PLCL2: variants seen among roughly 807,000 people sequenced by gnomAD.
PLCL2 encodes the protein inactive phospholipase C-like protein 2.
A neutral mutation model predicts 79.6 loss-of-function variants in PLCL2; 4 were observed. That is an observed-to-expected ratio of 0.05 (90% confidence interval 0.02 to 0.11). PLCL2 has a LOEUF of 0.11. Among genes scored for constraint, PLCL2 ranks in the 10% least tolerant of loss-of-function variants. The pLI is 1.00. For missense variants in PLCL2, 895 were observed against 1,291.0 expected (o/e 0.69, Z 4.70); for synonymous variants, 484 against 457.7 (o/e 1.06, Z -0.73).
rs1243341883 is a variant in PLCL2, at chr3:17,009,285, CA to C, written c.328-381del. Reference sequence around the variant, plus strand: ...ACAGGCATGAGCCACCATGCCCGGCCAAAAAAAATTTTTTTTTGTAGAGATG... The same window carrying C: ...ACAGGCATGAGCCACCATGCCCGGCCAAAAAAATTTTTTTTTGTAGAGATG... On this transcript the variant is annotated intron_variant, in intron 1 of 5. Transcript: ENST00000615277. The surrounding 1 kb of genome is among the most constrained non-coding windows in gnomAD (Gnocchi z 4.0). Among the ~76,000 whole-genome samples, 3 of 151,738 alleles carry C rather than the reference CA, an allele frequency of 2.0e-5. No individual in the cohort carries two copies. The East Asian group carries it at 5.8e-4, about 29-fold the overall frequency.
intron 1 of PLCL2, among the ~76,000 whole-genome samples, chr3:16,908,080 G>A (rs977767729): frequency 3.3e-5 from 5 of 151,866 alleles, no homozygotes; most frequent in Non-Finnish European, 5.9e-5. Context: ...CCTCCCTTTC[G>A]TGGGTTTTCT....
chr3:17,073,573 C>T (rs2065081475), intron 5 of PLCL2, among the ~76,000 whole-genome samples: 1 of 152,176 alleles, frequency 6.6e-6, no homozygotes, highest in African/African-American at 2.4e-5. Context: ...TGTTTCACCA[C>T]AGATTTCTCT....
intron 1 of PLCL2, among the ~76,000 whole-genome samples, chr3:16,954,233 G>A (rs2063681397): frequency 6.6e-6 from 1 of 152,034 alleles, no homozygotes; most frequent in Non-Finnish European, 1.5e-5. Flanking sequence ...GTGTCCATGT[G>A]TTCTCATTGT....
chr3:17,073,011 C>A (rs1026990488), intron 5 of PLCL2, among the ~76,000 whole-genome samples: 1 of 152,204 alleles, frequency 6.6e-6, no homozygotes, highest in South Asian at 2.1e-4. Flanking sequence ...AGGGTGTAAT[C>A]CATTCCCACA....
At chr3:16,957,239 C>T (rs1267082325) in intron 1 of PLCL2, among the ~76,000 whole-genome samples, 7 of 152,214 alleles carry the variant, frequency 4.6e-5, no homozygotes, top group East Asian at 1.9e-4. Context: ...TGTTTGTTCT[C>T]GTTGGTTTCA....
chr3:16,889,641 A>G (rs1431106456), intron 1 of PLCL2, among the ~76,000 whole-genome samples: 4 of 152,202 alleles, frequency 2.6e-5, no homozygotes. Context: ...ATGTTCACCT[A>G]TGTCTTGACA....
Position 16,938,777 on chromosome 3 carries a change from G to A in PLCL2, c.327+53411G>A, listed in dbSNP as rs138177564. Among the ~76,000 whole-genome samples the A allele has an allele frequency of 2.1e-3, 313 of 152,150 alleles. 2 individuals are homozygous for A. The highest frequency in any genetic ancestry group is 3.4e-3 in the Middle Eastern group (1 of 294). ...TCTCCTTTTGTTTATGCCCCACCCA[G>A]GCATGAGTTCTTTAAATCAAGGATT... On this transcript the variant is annotated intron_variant, in intron 1 of 5. Transcript: ENST00000615277.
At chr3:16,986,141 A>AG (rs2064048509) in intron 1 of PLCL2, among the ~76,000 whole-genome samples, 1 of 152,078 alleles carries the variant, frequency 6.6e-6, no homozygotes, top group Non-Finnish European at 1.5e-5. Context: ...AGGAAAAAAA[A>AG]TGACTAGAAA....
At position 16,994,262 on chromosome 3, in the gene PLCL2, T is replaced by G. The variant is rs149914508; in HGVS notation, c.328-15412T>G. ...GGACCTTCTGCAGTCCAAATTCACA[T>G]TACTCTATTTTGCAAATGCTTTAGA... On this transcript the variant is annotated intron_variant, in intron 1 of 5. Transcript: ENST00000615277. 3.7e-4 allele frequency among the ~76,000 whole-genome samples: 57 copies of G among 152,336 alleles called. 1 individual carries two copies. The highest frequency in any genetic ancestry group is 1.3e-3 in the African/African-American group (56 of 41,580).
At chr3:17,064,791 T>C (rs1372090958) in intron 4 of PLCL2, among the ~76,000 whole-genome samples, 1 of 151,676 alleles carries the variant, frequency 6.6e-6, no homozygotes, top group African/African-American at 2.4e-5. Flanking sequence ...TAGCCACGTG[T>C]GGTGGCACGT....
intron 4 of PLCL2, among the ~76,000 whole-genome samples, chr3:17,058,682 G>T (rs1385647433): frequency 1.3e-5 from 2 of 152,150 alleles, no homozygotes; most frequent in African/African-American, 4.8e-5. Flanking sequence ...GGGAGACTGA[G>T]CTCATATAAG....
chr3:16,899,936 CT>C (rs1314477594), intron 1 of PLCL2, among the ~76,000 whole-genome samples: 1 of 150,852 alleles, frequency 6.6e-6, no homozygotes, highest in Non-Finnish European at 1.5e-5. Context: ...ACATTCCCTG[CT>C]TTGCTTTTTT....
chr3:17,056,035 C>T (rs1375693948), intron 4 of PLCL2, among the ~76,000 whole-genome samples: 2 of 152,172 alleles, frequency 1.3e-5, no homozygotes, highest in Non-Finnish European at 2.9e-5. Context: ...GCTCTCTTGT[C>T]ACATCTTCCT....
At chr3:16,979,711 A>G (rs1432899132) in intron 1 of PLCL2, among the ~76,000 whole-genome samples, 1 of 146,510 alleles carries the variant, frequency 6.8e-6, no homozygotes, top group Non-Finnish European at 1.5e-5. Context: ...GTACAGAACA[A>G]AATGAAAAGT....
At chr3:17,064,559 G>A (rs1020997473) in intron 4 of PLCL2, among the ~76,000 whole-genome samples, 1 of 152,008 alleles carries the variant, frequency 6.6e-6, no homozygotes, top group East Asian at 1.9e-4. Context: ...TTGCCCTGGC[G>A]CTCGCATGTC....
chr3:16,985,234 C>T (rs2064037524), intron 1 of PLCL2, among the ~76,000 whole-genome samples: 1 of 152,126 alleles, frequency 6.6e-6, no homozygotes, highest in Non-Finnish European at 1.5e-5. Context: ...GTGCCTATAG[C>T]TCCCTGGGCA....
At chr3:16,917,065 C>G (rs1035502517) in intron 1 of PLCL2, among the ~76,000 whole-genome samples, 2 of 152,214 alleles carry the variant, frequency 1.3e-5, no homozygotes, top group African/African-American at 4.8e-5. Flanking sequence ...TCTTCCTTCC[C>G]TGGCCCAGCC....
chr3:16,961,483 G>A (rs2063754210), intron 1 of PLCL2, among the ~76,000 whole-genome samples: 2 of 152,146 alleles, frequency 1.3e-5, no homozygotes, highest in Admixed American at 1.3e-4. Context: ...TTTCAGACAA[G>A]GGTTTAAGGA....
Position 16,922,339 on chromosome 3 carries a change from C to T in PLCL2, c.327+36973C>T, listed in dbSNP as rs185556488. On this transcript the variant is annotated intron_variant, in intron 1 of 5. Transcript: ENST00000615277. ...TAACTTTAAAGATTTAAAATCACTT[C>T]ATGCTTTTCTAACTGGATGGAACTT... 7.9e-4 allele frequency among the ~76,000 whole-genome samples: 121 copies of T among 152,284 alleles called. 1 individual carries two copies. The highest frequency in any genetic ancestry group is 3.6e-3 in the Admixed American group (55 of 15,294).
Sources: gnomAD v4.1 joint callset for allele counts (sites outside exome capture counted in the v4.1 genomes callset) on GRCh38, gnomAD v4.1.1 for gene constraint, Gnocchi (gnomAD v3.1) non-coding constraint, MANE v1.5 for transcripts, NCBI Gene and HGNC (gene_info 2026-07-23, HGNC 2026-07-21) for gene names.